The following STK40 variants were observed in gnomAD, a reference collection of about 807,000 sequenced individuals.
STK40 encodes serine/threonine-protein kinase 40.
Under a neutral mutation model 47.9 loss-of-function variants are expected in STK40, and 13 were observed. The ratio of observed to expected loss-of-function variants is 0.27; its 90% CI spans 0.18 to 0.43. The LOEUF (loss-of-function observed/expected upper bound fraction) is 0.43, where lower values mean the gene tolerates loss of function less well. Among genes scored for constraint, STK40 ranks in the 20% least tolerant of loss-of-function variants. The pLI is 1.00. For missense variants in STK40, 460 were observed against 595.1 expected, an observed-to-expected ratio of 0.77 and a Z score of 2.36; for synonymous variants, 225 against 243.2, an observed-to-expected ratio of 0.93 and a Z score of 0.69.
chr1:36,361,745 T>G (rs1435036879), intron 1 of STK40, among the ~76,000 whole-genome samples: 1 of 151,726 alleles, frequency 6.6e-6, no homozygotes, highest in East Asian at 1.9e-4. Context: ...GGTGAGCAAC[T>G]GTTCCCAAAG....
intron 1 of STK40, among the ~76,000 whole-genome samples, chr1:36,383,035 G>A (rs1046697180): frequency 2.6e-5 from 4 of 152,016 alleles, no homozygotes; most frequent in South Asian, 2.1e-4. Context: ...CGCAACCTCC[G>A]CCTCCCAGGT....
intron 1 of STK40, among the ~76,000 whole-genome samples, chr1:36,371,351 G>A (rs1424290249): frequency 2.7e-5 from 4 of 150,586 alleles, no homozygotes; most frequent in African/African-American, 7.3e-5. Flanking sequence ...TCAGGAGATC[G>A]AGACCATCCT....
At chr1:36,383,430 C>G (rs1047730154) in intron 1 of STK40, among the ~76,000 whole-genome samples, 1 of 152,240 alleles carries the variant, frequency 6.6e-6, no homozygotes, top group African/African-American at 2.4e-5. Flanking sequence ...CTGCGCCAGG[C>G]AGAGAAGCCC....
intron 1 of STK40, among the ~76,000 whole-genome samples, chr1:36,366,999 T>C (rs1187391007): frequency 6.9e-6 from 1 of 144,650 alleles, no homozygotes; most frequent in African/African-American, 2.8e-5. Flanking sequence ...CACACCCAGC[T>C]AATTTTTTTT....
chr1:36,366,175 C>A (rs930125218), intron 1 of STK40: 2 of 152,122 alleles, frequency 1.3e-5, no homozygotes, highest in Admixed American at 6.5e-5. Flanking sequence ...ACGCTGCCTA[C>A]GCGCCTACGC....
At chr1:36,352,633 T>C (rs1035095241) in intron 6 of STK40, among the ~76,000 whole-genome samples, 1 of 152,206 alleles carries the variant, frequency 6.6e-6, no homozygotes, top group Non-Finnish European at 1.5e-5. Context: ...TTTCCCTCCC[T>C]TCCCCCTGCA....
rs114026387 is a variant in STK40 at position 36,351,273 on chromosome 1, G to A, written c.624-2458C>T. Reference sequence around the variant, plus strand: ...GCGGGGTGAACTTGTTGTTGCAGCTGCCTTGCCAACACCTCCCCCTGTCTG... The same window carrying A: ...GCGGGGTGAACTTGTTGTTGCAGCTACCTTGCCAACACCTCCCCCTGTCTG... On this transcript the variant is annotated intron_variant, in intron 6 of 10. Transcript: ENST00000373132. Among the ~76,000 whole-genome samples, 882 of 152,246 alleles carry A rather than the reference G, an allele frequency of 5.8e-3. 6 individuals are homozygous for A. The highest frequency in any genetic ancestry group is 0.02 in the African/African-American group (832 of 41,504).
At chr1:36,344,607 A>T (rs1646684132) in intron 7 of STK40, among the ~76,000 whole-genome samples, 1 of 152,220 alleles carries the variant, frequency 6.6e-6, no homozygotes, top group African/African-American at 2.4e-5. Flanking sequence ...AGCTGGCTCC[A>T]GATGAGCTGG....
intron 4 of STK40, among the ~76,000 whole-genome samples, chr1:36,357,365 C>T (rs912618325): frequency 6.6e-6 from 1 of 152,356 alleles, no homozygotes; most frequent in African/African-American, 2.4e-5. Flanking sequence ...CAGCAAACGG[C>T]TGAGGGCTCA....
intron 7 of STK40, 57 bp downstream of exon 7, chr1:36,348,643 G>A: frequency 1.3e-6 from 2 of 1,520,256 alleles, no homozygotes; most frequent in Non-Finnish European, 1.8e-6. Context: ...TGAGTGGACT[G>A]TCACAGAGCC....
intron 1 of STK40, among the ~76,000 whole-genome samples, chr1:36,367,332 T>C (rs921120610): frequency 3.9e-5 from 6 of 152,194 alleles, no homozygotes; most frequent in South Asian, 4.1e-4. Context: ...GGGGGTTCCA[T>C]TGCTTTGCCA....
intron 4 of STK40, among the ~76,000 whole-genome samples, chr1:36,356,980 A>G (rs537322363): frequency 1.3e-5 from 2 of 152,360 alleles, no homozygotes; most frequent in African/African-American, 4.8e-5. Flanking sequence ...AGTCACCTCT[A>G]ATTGCAAATC....
rs1490181051 is a variant in STK40 at position 36,356,502 on chromosome 1, T to C, written c.343-1069A>G. On this transcript the variant is annotated intron_variant, in intron 4 of 10. Transcript: ENST00000373132. Reference sequence around the variant, plus strand: ...GTGCAGTGTCACGCTCTCGGCTCACTGCAAGCTCTGCCTCCCAGGTTCATG... The same window carrying C: ...GTGCAGTGTCACGCTCTCGGCTCACCGCAAGCTCTGCCTCCCAGGTTCATG... Among the ~76,000 whole-genome samples, 5 of 145,874 alleles carry C rather than the reference T, an allele frequency of 3.4e-5. No individual in the cohort carries two copies. In the East Asian group the frequency reaches 1.0e-3, roughly 30 times the overall value.
Position 36,343,138 on chromosome 1 carries a change from C to T in STK40, c.1089+226G>A, listed in dbSNP as rs1570431599. On this transcript the variant is annotated intron_variant, in intron 10 of 10. Transcript: ENST00000373132. ...GGCACTGGCTCCAGCTCGGCTGTCT[C>T]ACAGGTCTCTCTGGCCAAAGATCTC... The T allele has an allele frequency of 5.9e-6, 4 of 673,858 alleles. No homozygotes were observed. The East Asian group carries it at 8.1e-5, about 14-fold the overall frequency. 41.7% of individuals were successfully genotyped at this position (673,858 alleles called of 1,614,324 possible).
At chr1:36,359,672 G>A (rs1321802990) in intron 2 of STK40, among the ~76,000 whole-genome samples, 1 of 152,214 alleles carries the variant, frequency 6.6e-6, no homozygotes, top group Non-Finnish European at 1.5e-5. Flanking sequence ...ACGAAGCTCC[G>A]CTGCTCTTGG....
intron 7 of STK40, among the ~76,000 whole-genome samples, chr1:36,347,911 G>A (rs528204776): frequency 1.6e-4 from 24 of 152,302 alleles, no homozygotes; most frequent in African/African-American, 4.8e-4. Flanking sequence ...GCCTCCCAAA[G>A]TGTTGGGATT....
At chr1:36,344,089 C>T (rs771488717) in intron 8 of STK40, 31 bp downstream of exon 8, 79 of 1,568,364 alleles carry the variant, frequency 5.0e-5, no homozygotes, top group Non-Finnish European at 6.5e-5. Flanking sequence ...AGGCTGGCTG[C>T]CCCCCCCACC....
At chr1:36,377,723 A>G (rs1427721726) in intron 1 of STK40, among the ~76,000 whole-genome samples, 1 of 152,108 alleles carries the variant, frequency 6.6e-6, no homozygotes, top group Non-Finnish European at 1.5e-5. Context: ...ACACCCCTGC[A>G]GCTCTCCAGA....
At chr1:36,355,460 C>T (rs1204620101) in intron 4 of STK40, 27 bp from the exon 5 acceptor site, 2 of 1,613,062 alleles carry the variant, frequency 1.2e-6, no homozygotes, top group South Asian at 1.1e-5. Context: ...TAGCGCAGGG[C>T]TTGGCTGTGA....
Sources: gnomAD v4.1 joint callset for allele counts (sites outside exome capture counted in the v4.1 genomes callset) on GRCh38, gnomAD v4.1.1 for gene constraint, MANE v1.5 for transcripts, NCBI Gene and HGNC (gene_info 2026-07-23, HGNC 2026-07-21) for gene names.